The following PDK1 variants were observed in gnomAD, a reference collection of about 807,000 sequenced individuals.
PDK1 encodes the protein [Pyruvate dehydrogenase (acetyl-transferring)] kinase isozyme 1, mitochondrial.
PDK1 carries 39 observed loss-of-function variants against 54.2 expected under a neutral mutation model. The observed-to-expected ratio is 0.72, with a 90% CI of 0.56 to 0.94. The LOEUF (loss-of-function observed/expected upper bound fraction) is 0.94, where lower values mean the gene tolerates loss of function less well. Among genes scored for constraint, PDK1 ranks in the 40% least tolerant of loss-of-function variants. The pLI, the probability that PDK1 is intolerant of heterozygous loss-of-function variation, is 0.00. For missense variants in PDK1, 552 were observed against 566.0 expected, an observed-to-expected ratio of 0.98 and a Z score of 0.25; for synonymous variants, 221 against 207.1, an observed-to-expected ratio of 1.07 and a Z score of -0.58.
intron 8 of PDK1, among the ~76,000 whole-genome samples, chr2:172,573,030 GTTA>G (rs1420835428): frequency 6.6e-6 from 1 of 152,020 alleles, no homozygotes; most frequent in Non-Finnish European, 1.5e-5. Context: ...CTATTTTTTG[GTTA>G]TTATAAATAA....
the PDK1 span, among the ~76,000 whole-genome samples, chr2:172,653,154 G>A: frequency 1.1e-4 from 17 of 151,950 alleles, no homozygotes; most frequent in Non-Finnish European, 1.8e-4. Flanking sequence ...CAGAGCCCTC[G>A]GAAATAATAC....
the PDK1 span, among the ~76,000 whole-genome samples, chr2:172,619,799 A>T: frequency 6.6e-6 from 1 of 152,214 alleles, no homozygotes; most frequent in African/African-American, 2.4e-5. Context: ...TTTCATTTAA[A>T]GAAGGAAGAA....
chr2:172,590,043 A>G (rs1454259557), intron 9 of PDK1, among the ~76,000 whole-genome samples: 1 of 152,158 alleles, frequency 6.6e-6, no homozygotes, highest in African/African-American at 2.4e-5. Context: ...ACAGTGGGGT[A>G]GGGGTGGTGG....
At position 172,575,885 on chromosome 2, in the gene PDK1, A is replaced by C. The variant is rs527722835; in HGVS notation, c.945+5061A>C. On this transcript the variant is annotated intron_variant, in intron 8 of 10. Coordinates refer to ENST00000282077, the MANE Select transcript of PDK1 (RefSeq NM_002610.5). ...CATTTGATATCTATTTAGATTGTCC[A>C]TTTCTTCCTGAGCTCCTGAGCTGTG... 1.2e-3 allele frequency among the ~76,000 whole-genome samples: 176 copies of C among 152,088 alleles called. 1 individual carries two copies. The highest frequency in any genetic ancestry group is 2.2e-3 in the Non-Finnish European group (151 of 67,972).
the PDK1 span, among the ~76,000 whole-genome samples, chr2:172,624,288 G>A: frequency 3.6e-4 from 55 of 151,966 alleles, no homozygotes; most frequent in Middle Eastern, 6.8e-3. Context: ...GGCCCCATAC[G>A]GGTACCAGTC....
chr2:172,649,237 T>C, the PDK1 span, among the ~76,000 whole-genome samples: 1 of 152,180 alleles, frequency 6.6e-6, no homozygotes, highest in Admixed American at 6.5e-5. Flanking sequence ...GGAGTGGACC[T>C]CCAGCAAACT....
At chr2:172,579,275 A>C (rs1325190196) in intron 8 of PDK1, among the ~76,000 whole-genome samples, 1 of 152,028 alleles carries the variant, frequency 6.6e-6, no homozygotes, top group Non-Finnish European at 1.5e-5. Context: ...TGTACTGGGG[A>C]GCTCAGAGTC....
At chr2:172,707,497 T>G in the PDK1 span, among the ~76,000 whole-genome samples, 1 of 152,196 alleles carries the variant, frequency 6.6e-6, no homozygotes, top group Non-Finnish European at 1.5e-5. Context: ...ATTTATTGTC[T>G]GCACGGGACT....
At chr2:172,695,413 T>C in the PDK1 span, among the ~76,000 whole-genome samples, 1 of 152,098 alleles carries the variant, frequency 6.6e-6, no homozygotes, top group African/African-American at 2.4e-5. Context: ...CAACAGTCTA[T>C]AGGGTAGAGA....
chr2:172,687,848 G>A, the PDK1 span, among the ~76,000 whole-genome samples: 2 of 152,172 alleles, frequency 1.3e-5, no homozygotes, highest in Non-Finnish European at 2.9e-5. Context: ...ACAAGATGGG[G>A]ACTCCTCTTC....
the PDK1 span, among the ~76,000 whole-genome samples, chr2:172,659,190 TTCTC>T: frequency 6.6e-6 from 1 of 152,184 alleles, no homozygotes; most frequent in Non-Finnish European, 1.5e-5. Context: ...TTTGTACTCT[TTCTC>T]TTTCTCAGAC....
the PDK1 span, among the ~76,000 whole-genome samples, chr2:172,660,231 T>TTCTC: frequency 6.2e-5 from 5 of 80,082 alleles, no homozygotes; most frequent in East Asian, 4.8e-4. Context: ...TAAAATTGCT[T>TTCTC]TCTCTCTCTC....
the PDK1 span, among the ~76,000 whole-genome samples, chr2:172,664,657 C>G: frequency 6.6e-6 from 1 of 152,000 alleles, no homozygotes; most frequent in East Asian, 1.9e-4. Flanking sequence ...ACTCTGATAA[C>G]ACAGAAATTA....
intron 6 of PDK1, 122 bp downstream of exon 6, chr2:172,567,055 G>T (rs1235355770): frequency 1.8e-6 from 1 of 552,444 alleles, no homozygotes; most frequent in Non-Finnish European, 3.2e-6. Context: ...GAAGGCTAAA[G>T]GATAGTAATC....
chr2:172,636,014 C>T, the PDK1 span, among the ~76,000 whole-genome samples: 9 of 152,336 alleles, frequency 5.9e-5, no homozygotes, highest in Admixed American at 1.3e-4. Context: ...GTTTCCCTTG[C>T]GGCCCCACAT....
intron 3 of PDK1, chr2:172,562,596 A>T (rs1396704139): frequency 3.1e-6 from 2 of 639,608 alleles, no homozygotes; most frequent in Admixed American, 5.2e-5. Flanking sequence ...CTTCAGCCCC[A>T]GCTGATCTTT....
upstream of PDK1, chr2:172,555,851 G>A (rs894864959): frequency 1.1e-5 from 3 of 279,764 alleles, no homozygotes; most frequent in African/African-American, 4.4e-5. Flanking sequence ...CGGCTGGGGC[G>A]GGATCTGGGC....
downstream of PDK1, among the ~76,000 whole-genome samples, chr2:172,611,049 A>G (rs1691444893): frequency 6.6e-6 from 1 of 152,364 alleles, no homozygotes; most frequent in African/African-American, 2.4e-5. Flanking sequence ...TTTTTAAGTG[A>G]AATATTTGTG....
At chr2:172,632,156 TATA>T in the PDK1 span, among the ~76,000 whole-genome samples, 1 of 151,700 alleles carries the variant, frequency 6.6e-6, no homozygotes, top group African/African-American at 2.4e-5. Context: ...TAATCCCAGC[TATA>T]GGGAGGCTGA....
Sources: allele counts gnomAD v4.1 joint callset (sites outside exome capture counted in the v4.1 genomes callset), GRCh38; gene constraint gnomAD v4.1.1; transcripts MANE v1.5; gene names NCBI Gene and HGNC (gene_info 2026-07-23, HGNC 2026-07-21).